PADI1: variants seen among roughly 807,000 people sequenced by gnomAD.
The protein encoded by PADI1 is protein-arginine deiminase type-1.
Under a neutral mutation model 74.8 loss-of-function variants are expected in PADI1, and 65 were observed. The observed-to-expected ratio is 0.87, with a 90% confidence interval of 0.71 to 1.07. PADI1 has a LOEUF of 1.07. Among genes scored for constraint, PADI1 ranks in the 50% least tolerant of loss-of-function variants. The probability of loss-of-function intolerance (pLI) is 0.00; values close to 1 mark genes in which losing one functional copy is unlikely to be tolerated. For missense variants in PADI1, 943 were observed against 854.0 expected, an observed-to-expected ratio of 1.10 and a Z score of -1.30; for synonymous variants, 371 against 336.2, an observed-to-expected ratio of 1.10 and a Z score of -1.13.
In PADI1 at chr1:17,225,843, G is replaced by A; in HGVS notation, c.441G>A (p.Gly147=). The A allele has an allele frequency of 2.5e-6, 4 of 1,614,130 alleles. No individual in the cohort carries two copies. The highest frequency in any genetic ancestry group is 3.4e-6 in the Non-Finnish European group (4 of 1,180,012). ...KTWRWGPEGY[G]AILLVNCDRD... ...GGCGCTGGGGCCCTGAGGGCTATGG[G>A]GCTATCTTGCTGGTGAACTGTGACC... The change falls in exon 5 of 16, where the codon GGG becomes GGA. Residue 147 remains glycine (G), a synonymous_variant. Coordinates refer to ENST00000375471, the MANE Select transcript of PADI1 (RefSeq NM_013358.3).
At chr1:17,238,178 A>T (rs1484660259) in intron 12 of PADI1, among the ~76,000 whole-genome samples, 1 of 152,170 alleles carries the variant, frequency 6.6e-6, no homozygotes, top group Non-Finnish European at 1.5e-5. Flanking sequence ...CCTCCCAAGT[A>T]GCTGGGATTA....
At chr1:17,237,274 C>A in intron 11 of PADI1, 40 bp from the exon 12 acceptor site, 1 of 1,563,756 alleles carries the variant, frequency 6.4e-7, no homozygotes, top group Non-Finnish European at 8.6e-7. Context: ...TGATGCCTCT[C>A]AGGCACAAGG....
chr1:17,221,265 A>G (rs2072140962), intron 1 of PADI1, among the ~76,000 whole-genome samples: 1 of 152,208 alleles, frequency 6.6e-6, no homozygotes, highest in Non-Finnish European at 1.5e-5. Flanking sequence ...CATGTGCCAG[A>G]CACTGTTATA....
chr1:17,214,045 G>A (rs544104436), intron 1 of PADI1, among the ~76,000 whole-genome samples: 1 of 152,210 alleles, frequency 6.6e-6, no homozygotes, highest in African/African-American at 2.4e-5. Flanking sequence ...GGCCATGGGG[G>A]CACAGAGGAA....
intron 1 of PADI1, among the ~76,000 whole-genome samples, chr1:17,221,795 G>T (rs961891775): frequency 6.6e-6 from 1 of 152,206 alleles, no homozygotes; most frequent in Non-Finnish European, 1.5e-5. Flanking sequence ...TGGCAGGGGC[G>T]CATCAGAAGG....
At chr1:17,230,909 T>G (rs2072473518) in intron 10 of PADI1, among the ~76,000 whole-genome samples, 1 of 152,140 alleles carries the variant, frequency 6.6e-6, no homozygotes, top group Admixed American at 6.5e-5. Flanking sequence ...TGTTCCTGTG[T>G]TGGGAGGGGC....
intron 2 of PADI1, among the ~76,000 whole-genome samples, chr1:17,222,816 C>A (rs560325183): frequency 1.1e-4 from 17 of 152,152 alleles, no homozygotes; most frequent in African/African-American, 4.1e-4. Flanking sequence ...TGGGCAGGAC[C>A]GCACAACAAC....
chr1:17,227,348 G>T (rs2072345856), intron 6 of PADI1, among the ~76,000 whole-genome samples: 1 of 151,532 alleles, frequency 6.6e-6, no homozygotes, highest in Admixed American at 6.6e-5. Flanking sequence ...AGGAGTTTGA[G>T]ACCAGCCTGG....
chr1:17,228,891 G>C, intron 7 of PADI1, 57 bp from the exon 8 acceptor site: 1 of 1,579,274 alleles, frequency 6.3e-7, no homozygotes. Flanking sequence ...GGCTGGGGGG[G>C]CTTGAGGCAG....
Position 17,232,983 on chromosome 1 carries a change from G to A in PADI1, c.1313+13G>A, listed in dbSNP as rs2072539187. The A allele has an allele frequency of 6.9e-6, 11 of 1,588,552 alleles. No individual in the cohort carries two copies. The Admixed American group carries it at 1.4e-4, about 20-fold the overall frequency. ...GCAGCTTCCCCAAGTGAGGGGCTGG[G>A]GCGGGAGGTGGGGAGGCACAAGGGA... On this transcript the variant is annotated intron_variant, in intron 11 of 15. Transcript: ENST00000375471.
chr1:17,223,192 G>A (rs763131839), intron 2 of PADI1, among the ~76,000 whole-genome samples: 2 of 152,150 alleles, frequency 1.3e-5, no homozygotes, highest in Admixed American at 6.5e-5. Context: ...TCTGGACCAC[G>A]CTAAAAGCTC....
Position 17,228,660 on chromosome 1 carries a change from G to C in PADI1, c.688G>C (p.Gly230Arg). 6.2e-7 allele frequency: 1 copy of C among 1,614,196 alleles called. No homozygotes were observed. The highest frequency in any genetic ancestry group is 8.5e-7 in the Non-Finnish European group (1 of 1,180,032). ...NSLSDYKQVL[G>R]PQCLSYEVER... ...TCTCTCGGACTACAAACAGGTGCTG[G>C]GGCCCCAGTGTCTGTCCTATGAAGT... The change falls in exon 7 of 16, where the codon GGG (glycine) becomes CGG (arginine). Residue 230 changes from glycine to arginine, a missense_variant. Physicochemically the swap from Gly to Arg is moderately radical, Grantham distance 125. Coordinates refer to ENST00000375471, the MANE Select transcript of PADI1 (RefSeq NM_013358.3).
intron 1 of PADI1, among the ~76,000 whole-genome samples, chr1:17,209,598 C>A (rs558920625): frequency 2.6e-5 from 4 of 152,274 alleles, no homozygotes; most frequent in Non-Finnish European, 5.9e-5. Flanking sequence ...CCCTCTGGCC[C>A]CCCAGGCCCT....
At position 17,225,842 on chromosome 1, in the gene PADI1, G is replaced by A; in HGVS notation, c.440G>A (p.Gly147Glu). Residue 147 changes from glycine to glutamate, a missense_variant, in exon 5 of 16, where the codon GGG (glycine) becomes GAG (glutamate). Physicochemically the swap from Gly to Glu is moderately conservative, Grantham distance 98 (BLOSUM62 -2). Transcript: ENST00000375471. ...TGGCGCTGGGGCCCTGAGGGCTATG[G>A]GGCTATCTTGCTGGTGAACTGTGAC... is the stretch of plus-strand genomic sequence containing the variant. ...KTWRWGPEGY[G>E]AILLVNCDRD... The A allele has an allele frequency of 1.2e-6, 2 of 1,614,100 alleles. No homozygotes were observed. Among genetic ancestry groups the A allele is most frequent in the Non-Finnish European group, 1.7e-6 (2 of 1,180,008 alleles).
At position 17,235,901 on chromosome 1, in the gene PADI1, C is replaced by T. The variant is rs878508; in HGVS notation, c.1314-1413C>T. Among the ~76,000 whole-genome samples the T allele has an allele frequency of 3.9e-3, 601 of 152,280 alleles. 12 individuals carry two copies. In the East Asian group the frequency reaches 0.084, roughly 21 times the overall value. ...GGAACTCCCAGGCACAGAGCAAGGACCCCACATGGGAAAGTGAGGGGTCTC... is the reference window on the plus strand; with the variant it reads ...GGAACTCCCAGGCACAGAGCAAGGATCCCACATGGGAAAGTGAGGGGTCTC... On this transcript the variant is annotated intron_variant, in intron 11 of 15. Coordinates refer to ENST00000375471, the MANE Select transcript of PADI1 (RefSeq NM_013358.3).
intron 11 of PADI1, among the ~76,000 whole-genome samples, chr1:17,235,025 G>A (rs1313989580): frequency 3.3e-5 from 5 of 151,828 alleles, no homozygotes; most frequent in Admixed American, 3.3e-4. Context: ...GCTGAGGTAG[G>A]AGAATTGCTT....
intron 1 of PADI1, among the ~76,000 whole-genome samples, chr1:17,215,746 A>G (rs2071960566): frequency 6.6e-6 from 1 of 152,150 alleles, no homozygotes; most frequent in South Asian, 2.1e-4. Flanking sequence ...GAACGCGTTG[A>G]TTGTGCCCCT....
intron 2 of PADI1, 39 bp downstream of exon 2, chr1:17,222,509 TC>T: frequency 6.7e-7 from 1 of 1,485,662 alleles, no homozygotes; most frequent in Non-Finnish European, 9.4e-7. Flanking sequence ...GTTGGATCTC[TC>T]CACCCCCATC....
chr1:17,231,963 G>A (rs2072502023), intron 10 of PADI1, among the ~76,000 whole-genome samples: 1 of 151,788 alleles, frequency 6.6e-6, no homozygotes, highest in Non-Finnish European at 1.5e-5. Flanking sequence ...TTTTGAGAAG[G>A]AGTCTCACAC....
Sources: gnomAD v4.1 joint callset for allele counts (sites outside exome capture counted in the v4.1 genomes callset) on GRCh38, gnomAD v4.1.1 for gene constraint, MANE v1.5 for transcripts, NCBI Gene and HGNC (gene_info 2026-07-23, HGNC 2026-07-21) for gene names.